PARD3B: variants seen among roughly 807,000 people sequenced by gnomAD.
The protein encoded by PARD3B is par-3 family cell polarity regulator beta, also known as partitioning defective 3 homolog B.
Under a neutral mutation model 130.2 loss-of-function variants are expected in PARD3B, and 103 were observed. The ratio of observed to expected loss-of-function variants is 0.79; its 90% CI spans 0.67 to 0.93. The LOEUF is 0.93. Among genes scored for constraint, PARD3B ranks in the 40% least tolerant of loss-of-function variants. The pLI, the probability that PARD3B is intolerant of heterozygous loss-of-function variation, is 0.00. For synonymous variants in PARD3B, 583 were observed against 553.2 expected (o/e 1.05, Z -0.76); for missense variants, 1,609 against 1,499.2 (o/e 1.07, Z -1.21).
At chr2:204,782,104 G>A (rs10192244) in intron 2 of PARD3B, among the ~76,000 whole-genome samples, 136,522 of 152,040 alleles carry the variant, frequency 0.9, 61,829 homozygotes, top group Middle Eastern at 0.97. Context: ...AGCGTGTTAG[G>A]CTCTGGAATG....
chr2:204,961,771 G>C (rs1294384587), intron 2 of PARD3B, among the ~76,000 whole-genome samples: 1 of 152,120 alleles, frequency 6.6e-6, no homozygotes, highest in African/African-American at 2.4e-5. Flanking sequence ...AAAGTACTTT[G>C]AGAAGGCAGT....
chr2:204,839,296 CAT>C (rs1328117537), intron 2 of PARD3B, among the ~76,000 whole-genome samples: 3 of 152,172 alleles, frequency 2.0e-5, no homozygotes, highest in African/African-American at 7.2e-5. Context: ...TAGCAAGGCA[CAT>C]ATCATCGTAT....
chr2:205,114,847 T>G (rs1703916649), intron 6 of PARD3B, among the ~76,000 whole-genome samples: 1 of 152,028 alleles, frequency 6.6e-6, no homozygotes, highest in Admixed American at 6.6e-5. Flanking sequence ...GCAACTCTTA[T>G]TGTCTCATTT....
intron 18 of PARD3B, among the ~76,000 whole-genome samples, chr2:205,360,193 A>G (rs1310259017): frequency 6.6e-6 from 1 of 152,118 alleles, no homozygotes; most frequent in Admixed American, 6.5e-5. Flanking sequence ...GTTAATTCTT[A>G]TAGCATCTCA....
chr2:204,556,174 A>T (rs376935028), intron 1 of PARD3B, among the ~76,000 whole-genome samples: 3 of 152,192 alleles, frequency 2.0e-5, no homozygotes, highest in African/African-American at 7.2e-5. Context: ...CTCTTGTTGT[A>T]TTACAAACTA....
chr2:205,298,769 C>T (rs1346790113), intron 16 of PARD3B, among the ~76,000 whole-genome samples: 1 of 152,064 alleles, frequency 6.6e-6, no homozygotes, highest in African/African-American at 2.4e-5. Context: ...GAAATGAGGA[C>T]AATGTAGGGC....
In PARD3B at chr2:204,799,998, G is replaced by GC. The variant is rs2042509249; in HGVS notation, c.222+113718dup. On this transcript the variant is annotated intron_variant, in intron 2 of 22. Transcript: ENST00000406610. This position sits in a 1 kb window ranked among gnomAD's most constrained non-coding sequence, Gnocchi z 4.1. ...CTGATGAACATCCACAAGCATCAAG[G>GC]CCATCTACAAAAACGTGATCTCACC... 6.6e-6 allele frequency among the ~76,000 whole-genome samples: 1 copy of GC among 152,112 alleles called. No individual in the cohort carries two copies. Among genetic ancestry groups the GC allele is most frequent in the Admixed American group, 6.6e-5 (1 of 15,256 alleles).
chr2:204,933,926 T>C (rs771279590), intron 2 of PARD3B, among the ~76,000 whole-genome samples: 25 of 152,198 alleles, frequency 1.6e-4, no homozygotes, highest in Non-Finnish European at 3.2e-4. Context: ...GATGCTTCCT[T>C]GTAATCAGAA....
At chr2:205,465,434 C>T (rs1361541340) in intron 20 of PARD3B, among the ~76,000 whole-genome samples, 1 of 152,178 alleles carries the variant, frequency 6.6e-6, no homozygotes, top group African/African-American at 2.4e-5. Context: ...AACCACTGTG[C>T]TATGCTGACT....
chr2:205,239,960 T>TTG (rs146971239), intron 15 of PARD3B, among the ~76,000 whole-genome samples: 12 of 151,662 alleles, frequency 7.9e-5, no homozygotes, highest in East Asian at 1.9e-4. Context: ...GGGTGTGTGT[T>TTG]TGTGTGTGTG....
chr2:205,501,664 G>A (rs2050163637), intron 21 of PARD3B, among the ~76,000 whole-genome samples: 1 of 152,136 alleles, frequency 6.6e-6, no homozygotes, highest in African/African-American at 2.4e-5. Flanking sequence ...ATTCCTATGA[G>A]CAAAATAAGA....
intron 20 of PARD3B, among the ~76,000 whole-genome samples, chr2:205,486,532 G>A (rs1483058259): frequency 6.6e-6 from 1 of 152,202 alleles, no homozygotes; most frequent in Non-Finnish European, 1.5e-5. Flanking sequence ...TCCACGGGCT[G>A]TACGGGAAAC....
intron 3 of PARD3B, among the ~76,000 whole-genome samples, chr2:205,014,011 G>A (rs1225632517): frequency 1.3e-5 from 2 of 152,154 alleles, no homozygotes; most frequent in African/African-American, 2.4e-5. Context: ...ATTGCCGACA[G>A]CCCACCTGCC....
At chr2:204,595,972 G>A (rs1230778733) in intron 1 of PARD3B, among the ~76,000 whole-genome samples, 1 of 152,244 alleles carries the variant, frequency 6.6e-6, no homozygotes, top group East Asian at 1.9e-4. Context: ...TATGCTAGAT[G>A]CTGCAAGCAA....
intron 2 of PARD3B, among the ~76,000 whole-genome samples, chr2:204,704,423 A>G (rs761744973): frequency 2.0e-5 from 3 of 152,158 alleles, no homozygotes; most frequent in African/African-American, 7.2e-5. Flanking sequence ...AGTCATGCAT[A>G]TTTTCTTCAG....
rs1004943898 is a variant in PARD3B, at chr2:205,280,900, A to T, written c.2186-19630A>T. On this transcript the variant is annotated intron_variant, in intron 16 of 22. Transcript: ENST00000406610. The surrounding 1 kb of genome is among the most constrained non-coding windows in gnomAD (Gnocchi z 4.7). ...TTTATTTAGTTTGCTGGCTGTTTCA[A>T]GATGCTGTGGCGTATTGATTCCTTT... Among the ~76,000 whole-genome samples, 3 of 152,220 alleles carry T rather than the reference A, an allele frequency of 2.0e-5. No individual in the cohort carries two copies. Among genetic ancestry groups the T allele is most frequent in the Non-Finnish European group, 4.4e-5 (3 of 68,026 alleles).
chr2:205,453,198 G>A (rs2048162858), intron 20 of PARD3B, among the ~76,000 whole-genome samples: 1 of 152,172 alleles, frequency 6.6e-6, no homozygotes, highest in Non-Finnish European at 1.5e-5. Context: ...ATGCTTGAAT[G>A]CAGATCTGGC....
intron 18 of PARD3B, among the ~76,000 whole-genome samples, chr2:205,312,926 C>A (rs2042439285): frequency 6.6e-6 from 1 of 152,002 alleles, no homozygotes; most frequent in Non-Finnish European, 1.5e-5. Flanking sequence ...CTGATATTGA[C>A]TTGTGTTAAA....
chr2:204,690,695 G>A (rs1489216238), intron 2 of PARD3B, among the ~76,000 whole-genome samples: 1 of 152,138 alleles, frequency 6.6e-6, no homozygotes, highest in Non-Finnish European at 1.5e-5. Flanking sequence ...TTAACTGTCA[G>A]ATAATAAATT....
Sources: allele counts gnomAD v4.1 joint callset (sites outside exome capture counted in the v4.1 genomes callset), GRCh38; gene constraint gnomAD v4.1.1; non-coding constraint Gnocchi (gnomAD v3.1); transcripts MANE v1.5; gene names NCBI Gene and HGNC (gene_info 2026-07-23, HGNC 2026-07-21).